Variants in RBFOX1 observed in about 807,000 individuals in gnomAD.
RBFOX1 encodes the protein RNA binding protein fox-1 homolog 1.
A neutral mutation model predicts 57.7 loss-of-function variants in RBFOX1; 8 were observed. That is an observed-to-expected ratio of 0.14 (90% confidence interval 0.08 to 0.25). The LOEUF is 0.25. Ranked by LOEUF, RBFOX1 falls within the 10% of genes least tolerant of loss-of-function variation. RBFOX1 has a pLI of 1.00. For missense variants in RBFOX1, 611 were observed against 548.5 expected (o/e 1.11, Z -1.14); for synonymous variants, 326 against 222.4 (o/e 1.47, Z -4.15).
At chr16:6,546,503 C>A (rs373449055) in intron 2 of RBFOX1, among the ~76,000 whole-genome samples, 1 of 152,268 alleles carries the variant, frequency 6.6e-6, no homozygotes, top group East Asian at 1.9e-4. Flanking sequence ...CACTCTCTGG[C>A]ATATTGTGAT....
chr16:5,327,448 C>T (rs554728044), intron 1 of RBFOX1, among the ~76,000 whole-genome samples: 3 of 152,288 alleles, frequency 2.0e-5, no homozygotes, highest in Admixed American at 6.5e-5. Context: ...TGATCAAAAT[C>T]GTCTAAAACT....
At chr16:5,913,092 A>G (rs1461482111) in intron 4 of RBFOX1, among the ~76,000 whole-genome samples, 1 of 152,180 alleles carries the variant, frequency 6.6e-6, no homozygotes, top group Admixed American at 6.5e-5. Context: ...AGCTGCATGT[A>G]GTAGCTATGT....
intron 4 of RBFOX1, among the ~76,000 whole-genome samples, chr16:7,233,896 G>T (rs1028943923): frequency 6.6e-6 from 1 of 152,168 alleles, no homozygotes; most frequent in African/African-American, 2.4e-5. Context: ...ACCACTCAAC[G>T]AGAGCTACTC....
chr16:5,314,985 C>A (rs553034723), intron 1 of RBFOX1, among the ~76,000 whole-genome samples: 1 of 152,236 alleles, frequency 6.6e-6, no homozygotes, highest in South Asian at 2.1e-4. Flanking sequence ...CCACAGAAGT[C>A]ATAACGTGAC....
rs2055086462 is a variant in RBFOX1 at position 5,802,382 on chromosome 16, G to T, written c.319-64921G>T. On this transcript the variant is annotated intron_variant, in intron 3 of 19. Coordinates refer to the RBFOX1 transcript ENST00000641259. Reference sequence around the variant, plus strand: ...TGCGTGTGAGTCTTCCCAAAGGATGGCTGGACTGTAAAACATGCAAACAAG... The same window carrying T: ...TGCGTGTGAGTCTTCCCAAAGGATGTCTGGACTGTAAAACATGCAAACAAG... 1.3e-5 allele frequency among the ~76,000 whole-genome samples: 2 copies of T among 152,102 alleles called. 1 individual carries two copies. The highest frequency in any genetic ancestry group is 4.1e-4 in the South Asian group (2 of 4,820).
At chr16:5,551,199 G>A (rs1318240096) in intron 2 of RBFOX1, among the ~76,000 whole-genome samples, 4 of 152,102 alleles carry the variant, frequency 2.6e-5, no homozygotes, top group East Asian at 3.9e-4. Flanking sequence ...CTCTTACCCC[G>A]TGACTTCCTC....
At chr16:6,694,177 C>A (rs1314349337) in intron 3 of RBFOX1, among the ~76,000 whole-genome samples, 1 of 152,164 alleles carries the variant, frequency 6.6e-6, no homozygotes, top group Non-Finnish European at 1.5e-5. Context: ...CTTGTTCCTG[C>A]TAAATAATCC....
chr16:7,196,103 C>G (rs77773784), intron 4 of RBFOX1, among the ~76,000 whole-genome samples: 3,607 of 151,982 alleles, frequency 0.024, 151 homozygotes, highest in African/African-American at 0.084. Flanking sequence ...TTGCTCTTTT[C>G]TCTTCATCAT....
chr16:5,418,346 C>G (rs740470), intron 1 of RBFOX1, among the ~76,000 whole-genome samples: 69,875 of 143,152 alleles, frequency 0.49, 17,512 homozygotes, highest in East Asian at 0.63. Flanking sequence ...GAGGCAGGTG[C>G]GGTCACAGGT....
intron 1 of RBFOX1, among the ~76,000 whole-genome samples, chr16:6,093,785 C>T (rs2152538030): frequency 6.6e-6 from 1 of 150,794 alleles, no homozygotes; most frequent in East Asian, 2.0e-4. Flanking sequence ...GCATGCCCCA[C>T]TCATTTTTTT....
At chr16:6,125,288 G>A (rs1032370758) in intron 1 of RBFOX1, among the ~76,000 whole-genome samples, 1 of 152,144 alleles carries the variant, frequency 6.6e-6, no homozygotes, top group Admixed American at 6.5e-5. Flanking sequence ...ACTAGATGGA[G>A]GAGGATAGAG....
At chr16:5,293,714 A>C (rs1273244554) in intron 1 of RBFOX1, among the ~76,000 whole-genome samples, 2 of 148,512 alleles carry the variant, frequency 1.3e-5, no homozygotes, top group African/African-American at 2.5e-5. Context: ...AAATCTATAG[A>C]GGCAGAAAGC....
At chr16:5,359,188 A>C (rs1401138760) in intron 1 of RBFOX1, among the ~76,000 whole-genome samples, 1 of 152,210 alleles carries the variant, frequency 6.6e-6, no homozygotes, top group African/African-American at 2.4e-5. Context: ...ATGTATAAGT[A>C]CCACATTTTC....
intron 2 of RBFOX1, among the ~76,000 whole-genome samples, chr16:6,580,622 G>A (rs1218527638): frequency 6.6e-6 from 1 of 152,074 alleles, no homozygotes; most frequent in Non-Finnish European, 1.5e-5. Flanking sequence ...TGTATTGAGG[G>A]ACCAACCTTG....
chr16:5,869,288 C>T (rs907242211), intron 4 of RBFOX1, among the ~76,000 whole-genome samples: 5 of 152,158 alleles, frequency 3.3e-5, no homozygotes, highest in African/African-American at 1.2e-4. Flanking sequence ...TTCCTATGAT[C>T]TTCCATCTTT....
Position 7,587,228 on chromosome 16 carries a change from T to A in RBFOX1, c.415-19T>A, listed in dbSNP as rs761520199. On this transcript the variant is annotated intron_variant, in intron 6 of 15. Coordinates refer to ENST00000550418, the MANE Select transcript of RBFOX1 (RefSeq NM_018723.4). Reference sequence around the variant, plus strand: ...TGCATTTCTCTTCTTGCTTATAAGATATTTCTATTTCTTTGCAGCAATTTG... The same window carrying A: ...TGCATTTCTCTTCTTGCTTATAAGAAATTTCTATTTCTTTGCAGCAATTTG... 1.3e-6 allele frequency: 2 copies of A among 1,536,080 alleles called. No homozygotes were observed. The highest frequency in any genetic ancestry group is 1.8e-6 in the Non-Finnish European group (2 of 1,139,928).
intron 3 of RBFOX1, among the ~76,000 whole-genome samples, chr16:5,787,051 G>T (rs951554950): frequency 6.6e-6 from 1 of 152,160 alleles, no homozygotes; most frequent in East Asian, 1.9e-4. Flanking sequence ...CAGGAGAATT[G>T]CTTAAACAGG....
chr16:5,880,380 C>A (rs1401780243), intron 4 of RBFOX1, among the ~76,000 whole-genome samples: 2 of 152,162 alleles, frequency 1.3e-5, no homozygotes, highest in African/African-American at 4.8e-5. Context: ...ACTTAGAGAA[C>A]ACCCATGAAG....
intron 3 of RBFOX1, among the ~76,000 whole-genome samples, chr16:5,716,841 C>A (rs2051719941): frequency 1.3e-5 from 2 of 152,210 alleles, no homozygotes; most frequent in South Asian, 4.1e-4. Flanking sequence ...CCATCAGTGG[C>A]AGATTTTGGA....
Sources: gnomAD v4.1 joint callset for allele counts (sites outside exome capture counted in the v4.1 genomes callset) on GRCh38, gnomAD v4.1.1 for gene constraint, MANE v1.5 for transcripts, NCBI Gene and HGNC (gene_info 2026-07-23, HGNC 2026-07-21) for gene names.